Variants in KLHL6 observed in about 807,000 individuals in gnomAD.
KLHL6 encodes kelch-like protein 6.
A neutral mutation model predicts 58.6 loss-of-function variants in KLHL6; 41 were observed. The ratio of observed to expected loss-of-function variants is 0.70; its 90% confidence interval spans 0.55 to 0.91. The LOEUF is 0.91. Ranked by LOEUF, KLHL6 falls within the 40% of genes least tolerant of loss-of-function variation. The probability of loss-of-function intolerance (pLI) is 0.00; values close to 1 mark genes in which losing one functional copy is unlikely to be tolerated. For synonymous variants in KLHL6, 338 were observed against 322.7 expected (o/e 1.05, Z -0.51); for missense variants, 714 against 805.6 (o/e 0.89, Z 1.38).
intron 3 of KLHL6, among the ~76,000 whole-genome samples, chr3:183,502,541 C>T (rs1318165826): frequency 6.6e-6 from 1 of 152,158 alleles, no homozygotes; most frequent in Non-Finnish European, 1.5e-5. Flanking sequence ...TACCAGCTTG[C>T]ATCCTGATTG....
rs756753283 is a variant in KLHL6, at chr3:183,492,591, A to G, written c.1467T>C (p.Tyr489=). 1.9e-6 allele frequency: 3 copies of G among 1,614,136 alleles called. No individual in the cohort carries two copies. Among genetic ancestry groups the G allele is most frequent in the East Asian group, 2.2e-5 (1 of 44,896 alleles). The change falls in exon 6 of 7, where the codon TAT becomes TAC. Residue 489 remains tyrosine (Y), a synonymous_variant. Coordinates refer to ENST00000341319, the MANE Select transcript of KLHL6 (RefSeq NM_130446.4). The surrounding 1 kb of genome is among the most constrained non-coding windows in gnomAD (Gnocchi z 5.9). ...GKLATDKTQC[Y]DPSTNKWSLK... is the part of the protein sequence containing the mutation. ...AACTCCACTTGTTGGTGGAAGGGTC[A>G]TAACACTGAGTCTTGTCTGTGGCCA... is the stretch of plus-strand genomic sequence containing the variant.
In KLHL6 at chr3:183,531,830, T is replaced by A. The variant is rs868159219; in HGVS notation, c.294-3820A>T. Among the ~76,000 whole-genome samples the A allele has an allele frequency of 3.9e-5, 6 of 152,348 alleles. 1 individual carries two copies. Among genetic ancestry groups the A allele is most frequent in the Middle Eastern group, 6.8e-3 (2 of 294 alleles). On this transcript the variant is annotated intron_variant, in intron 1 of 6. Transcript: ENST00000341319. ...TTGTATTTTGGAAGCATACATCTTG[T>A]CTTGTTCCACAGGTTCACAGCTGGT...
intron 2 of KLHL6, among the ~76,000 whole-genome samples, chr3:183,514,165 A>G (rs953912633): frequency 3.9e-5 from 6 of 152,234 alleles, no homozygotes; most frequent in Non-Finnish European, 7.3e-5. Flanking sequence ...AAGCCGACAG[A>G]CCAGTGGAGG....
At chr3:183,543,241 C>G (rs1168612082) in intron 1 of KLHL6, among the ~76,000 whole-genome samples, 1 of 151,168 alleles carries the variant, frequency 6.6e-6, no homozygotes, top group South Asian at 2.1e-4. Flanking sequence ...GAGCTGAGAT[C>G]GCACCACTGC....
chr3:183,512,035 G>A (rs1337066378), intron 2 of KLHL6, among the ~76,000 whole-genome samples: 1 of 152,178 alleles, frequency 6.6e-6, no homozygotes, highest in Non-Finnish European at 1.5e-5. Flanking sequence ...AAACAGTTGT[G>A]AACAAGGCTG....
intron 1 of KLHL6, chr3:183,549,065 T>A (rs1712821858): frequency 6.6e-6 from 1 of 151,680 alleles, no homozygotes; most frequent in Non-Finnish European, 1.5e-5. Flanking sequence ...AAAACCTAGA[T>A]GATGGGTTGA....
At chr3:183,521,692 ATTT>A (rs10556149) in intron 2 of KLHL6, 63,147 of 129,882 alleles carry the variant, frequency 0.49, 14,967 homozygotes, top group Non-Finnish European at 0.56. Context: ...GACCTACCTG[ATTT>A]TTTTTTTTTT....
At chr3:183,519,506 T>C (rs1048327580) in intron 2 of KLHL6, among the ~76,000 whole-genome samples, 1 of 152,136 alleles carries the variant, frequency 6.6e-6, no homozygotes, top group African/African-American at 2.4e-5. Context: ...GAATCCTGAA[T>C]TGATTAAACT....
chr3:183,528,653 T>C (rs1351431523), intron 1 of KLHL6, among the ~76,000 whole-genome samples: 1 of 152,190 alleles, frequency 6.6e-6, no homozygotes, highest in Non-Finnish European at 1.5e-5. Context: ...AGAAAGGATG[T>C]AGGTTTTATC....
chr3:183,527,771 C>A, intron 2 of KLHL6, 74 bp downstream of exon 2: 1 of 1,405,870 alleles, frequency 7.1e-7, no homozygotes, highest in Middle Eastern at 2.3e-4. Flanking sequence ...GGGAGCTAGA[C>A]CAGGTCTGGC....
At chr3:183,496,127 A>G (rs535890990) in intron 4 of KLHL6, among the ~76,000 whole-genome samples, 1 of 152,320 alleles carries the variant, frequency 6.6e-6, no homozygotes, top group East Asian at 1.9e-4. Context: ...AAGTATATAA[A>G]GGTAAAAAAC....
At chr3:183,555,111 A>G (rs145699519) in intron 1 of KLHL6, among the ~76,000 whole-genome samples, 2,869 of 152,146 alleles carry the variant, frequency 0.019, 89 homozygotes, top group East Asian at 0.15. Flanking sequence ...GTTGCGGTGA[A>G]CCGAGATTGC....
intron 1 of KLHL6, among the ~76,000 whole-genome samples, chr3:183,528,978 C>T (rs540167062): frequency 8.3e-4 from 126 of 152,230 alleles, no homozygotes; most frequent in African/African-American, 2.5e-3. Flanking sequence ...TAAAAAAGAA[C>T]GAGATCGTAT....
chr3:183,492,117 C>T lies in KLHL6; in HGVS notation c.1676G>A (p.Arg559Gln). The part of the protein sequence containing the change: ...ASCGIAPCNN[R>Q]LYITGGRDEK... ...GTCCCGCCCGCCGGTGATGTAGAGCCGGTTGTTGCAGGGCGCGATACCGCA... is the reference window on the plus strand; with the variant it reads ...GTCCCGCCCGCCGGTGATGTAGAGCTGGTTGTTGCAGGGCGCGATACCGCA... Residue 559 changes from arginine to glutamine, a missense_variant, in exon 7 of 7, where the codon CGG becomes CAG. By Grantham distance (43) the Arg-to-Gln change is conservative (BLOSUM62 1). This residue lies in a region of KLHL6 where 510 missense variants were observed against 629.7 expected (regional missense o/e 0.81). Transcript: ENST00000341319. The surrounding 1 kb of genome is among the most constrained non-coding windows in gnomAD (Gnocchi z 5.9). 3.1e-6 allele frequency: 5 copies of T among 1,613,848 alleles called. No individual in the cohort carries two copies. The highest frequency in any genetic ancestry group is 2.5e-6 in the Non-Finnish European group (3 of 1,180,030).
intron 1 of KLHL6, among the ~76,000 whole-genome samples, chr3:183,554,082 A>G (rs1433355468): frequency 6.6e-6 from 1 of 152,202 alleles, no homozygotes; most frequent in Non-Finnish European, 1.5e-5. Context: ...GAATCTCATT[A>G]AGAAGAATTC....
At position 183,499,856 on chromosome 3, in the gene KLHL6, A is replaced by G. The variant is rs1193892948; in HGVS notation, c.910-29T>C. Reference sequence around the variant, plus strand: ...GAAATCGATGGGGGTACATGAAGGCAGGGACAACACAAAGTTTCAGAGCTC... The same window carrying G: ...GAAATCGATGGGGGTACATGAAGGCGGGGACAACACAAAGTTTCAGAGCTC... On this transcript the variant is annotated intron_variant, in intron 3 of 6. Transcript: ENST00000341319. The surrounding 1 kb of genome is among the most constrained non-coding windows in gnomAD (Gnocchi z 4.6). 2.0e-6 allele frequency: 3 copies of G among 1,520,974 alleles called. No homozygotes were observed. Among genetic ancestry groups the G allele is most frequent in the Non-Finnish European group, 2.7e-6 (3 of 1,124,196 alleles). 94.2% of individuals were successfully genotyped at this position (1,520,974 alleles called of 1,614,324 possible). A position where few individuals can be genotyped will look rare whatever the true frequency, so the allele number is the denominator to read the frequency against.
chr3:183,519,320 T>A (rs1035428673), intron 2 of KLHL6, among the ~76,000 whole-genome samples: 3 of 152,108 alleles, frequency 2.0e-5, no homozygotes, highest in African/African-American at 2.4e-5. Flanking sequence ...TGGGGACTTG[T>A]TGATGTCAGT....
At position 183,555,380 on chromosome 3, in the gene KLHL6, C is replaced by A. The variant is rs776911567; in HGVS notation, c.274G>T (p.Ala92Ser). The A allele has an allele frequency of 1.2e-6, 2 of 1,613,906 alleles. No homozygotes were observed. The highest frequency in any genetic ancestry group is 1.3e-5 in the African/African-American group (1 of 75,030). Residue 92 changes from alanine to serine, a missense_variant, in exon 1 of 7, where the codon GCA becomes TCA. By Grantham distance (99) the Ala-to-Ser change is moderately conservative. Around this residue, in one of 2 missense-constraint regions of KLHL6, gnomAD observed 204 missense variants for 175.9 expected, o/e 1.16. Coordinates refer to ENST00000341319, the MANE Select transcript of KLHL6 (RefSeq NM_130446.4). Reference sequence around the variant, plus strand: ...GCTGACCTGAAATAGTTGCTGGCTGCGGCAAGCACCACGCGGTGGCAGGAG... The same window carrying A: ...GCTGACCTGAAATAGTTGCTGGCTGAGGCAAGCACCACGCGGTGGCAGGAG... ...EFSCHRVVLA[A>S]ASNYFRAMFC...
At chr3:183,528,670 T>C (rs1413007225) in intron 1 of KLHL6, among the ~76,000 whole-genome samples, 2 of 152,326 alleles carry the variant, frequency 1.3e-5, no homozygotes, top group East Asian at 3.9e-4. Context: ...TATCGTAGCA[T>C]TGGATGGACC....
Sources: allele counts gnomAD v4.1 joint callset (sites outside exome capture counted in the v4.1 genomes callset), GRCh38; gene constraint gnomAD v4.1.1; regional missense constraint gnomAD v4.1.1; non-coding constraint Gnocchi (gnomAD v3.1); transcripts MANE v1.5; gene names NCBI Gene and HGNC (gene_info 2026-07-23, HGNC 2026-07-21).